The following BEND6 variants were observed in gnomAD, a reference collection of about 807,000 sequenced individuals.
The protein encoded by BEND6 is BEN domain-containing protein 6.
Under a neutral mutation model 31.8 loss-of-function variants are expected in BEND6, and 24 were observed. That is an observed-to-expected ratio of 0.75 (90% CI 0.55 to 1.06). The LOEUF (loss-of-function observed/expected upper bound fraction) is 1.06, where lower values mean the gene tolerates loss of function less well. BEND6 is among the 50% of genes least tolerant of loss of function. BEND6 has a pLI of 0.00. For missense variants in BEND6, 294 were observed against 327.4 expected, an observed-to-expected ratio of 0.90 and a Z score of 0.79; for synonymous variants, 109 against 114.6, an observed-to-expected ratio of 0.95 and a Z score of 0.31.
intron 1 of BEND6, among the ~76,000 whole-genome samples, chr6:56,965,928 A>AT (rs1490119741): frequency 1.3e-5 from 2 of 152,148 alleles, no homozygotes; most frequent in Non-Finnish European, 2.9e-5. Flanking sequence ...AGCAAAAAGC[A>AT]TAATAATCTC....
At chr6:57,012,501 G>A (rs758930462) in intron 3 of BEND6, among the ~76,000 whole-genome samples, 78 of 152,252 alleles carry the variant, frequency 5.1e-4, no homozygotes, top group Middle Eastern at 3.4e-3. Flanking sequence ...TTAAATGGGC[G>A]CACCCATTTG....
chr6:57,010,049 A>C (rs968143066), intron 3 of BEND6: 2 of 152,236 alleles, frequency 1.3e-5, no homozygotes, highest in Non-Finnish European at 2.9e-5. Context: ...GAATCTATGC[A>C]GTGACCATCT....
intron 6 of BEND6, among the ~76,000 whole-genome samples, 171 bp downstream of exon 6, chr6:57,018,728 T>C (rs978720094): frequency 5.9e-5 from 9 of 152,190 alleles, no homozygotes; most frequent in South Asian, 2.1e-4. Flanking sequence ...GGGGTTTGAA[T>C]TGGAAAATGC....
chr6:57,006,810 G>A (rs1827175661), intron 3 of BEND6, among the ~76,000 whole-genome samples: 1 of 152,162 alleles, frequency 6.6e-6, no homozygotes, highest in East Asian at 1.9e-4. Context: ...GAACAATGCT[G>A]GATGTATCAC....
At chr6:56,995,750 C>A (rs1434481453) in intron 3 of BEND6, among the ~76,000 whole-genome samples, 1 of 152,132 alleles carries the variant, frequency 6.6e-6, no homozygotes, top group South Asian at 2.1e-4. Flanking sequence ...CATTTCAACT[C>A]GATTACATCT....
In BEND6 at chr6:57,023,864, C is replaced by T. The variant is rs555364283; in HGVS notation, c.*10-2218C>T. ...TTTGTAGCTTGTATATTTTCTAACT[C>T]CTCTCTTCCTTTCTTCCTTTTGTAC... On this transcript the variant is annotated intron_variant, in intron 6 of 6. Coordinates refer to ENST00000370746, the MANE Select transcript of BEND6 (RefSeq NM_152731.3). Among the ~76,000 whole-genome samples, 4 of 152,250 alleles carry T rather than the reference C, an allele frequency of 2.6e-5. No homozygotes were observed. The South Asian group carries it at 8.3e-4, about 32-fold the overall frequency.
At chr6:56,983,035 C>G (rs1826126390) in intron 2 of BEND6, among the ~76,000 whole-genome samples, 1 of 152,106 alleles carries the variant, frequency 6.6e-6, no homozygotes, top group African/African-American at 2.4e-5. Context: ...TCAGTTGTTT[C>G]TAATCCTTTT....
At chr6:56,980,597 A>C (rs1167011050) in intron 1 of BEND6, among the ~76,000 whole-genome samples, 1 of 152,242 alleles carries the variant, frequency 6.6e-6, no homozygotes, top group Non-Finnish European at 1.5e-5. Context: ...CTCAAGCACT[A>C]TTCATGTATT....
chr6:56,971,266 AT>A (rs1355607977), intron 1 of BEND6, among the ~76,000 whole-genome samples: 1 of 152,186 alleles, frequency 6.6e-6, no homozygotes, highest in Non-Finnish European at 1.5e-5. Flanking sequence ...ACTTAGCATA[AT>A]GTTCTCAAGG....
chr6:56,996,956 C>T (rs773384239), intron 3 of BEND6, among the ~76,000 whole-genome samples: 78 of 152,310 alleles, frequency 5.1e-4, no homozygotes, highest in Non-Finnish European at 9.1e-4. Context: ...TTAATCAGTT[C>T]CTGTCCTCCT....
intron 1 of BEND6, among the ~76,000 whole-genome samples, chr6:56,964,739 C>T (rs1268297282): frequency 6.6e-6 from 1 of 152,184 alleles, no homozygotes; most frequent in Non-Finnish European, 1.5e-5. Flanking sequence ...TCAAGCAATC[C>T]TCCCACCTCT....
intron 3 of BEND6, among the ~76,000 whole-genome samples, chr6:57,004,147 A>G (rs916331045): frequency 6.6e-6 from 1 of 152,190 alleles, no homozygotes; most frequent in Non-Finnish European, 1.5e-5. Context: ...CATCACTCCT[A>G]TTCAACCTAG....
rs767833165 is a variant in BEND6, at chr6:56,981,846, T to C, written c.36T>C (p.Asn12=). The C allele has an allele frequency of 1.9e-6, 3 of 1,612,530 alleles. No individual in the cohort carries two copies. The highest frequency in any genetic ancestry group is 2.5e-6 in the Non-Finnish European group (3 of 1,179,338). The change falls in exon 2 of 7, where the codon AAT becomes AAC. Residue 12 remains asparagine (N), a synonymous_variant. Transcript: ENST00000370746. ...TCGTGCAGACAGATGAAATTACCAA[T>C]ACACAAGCTTTTAGAAAAGGAAAGA... The part of the protein sequence containing the change: ...QKIVQTDEIT[N]TQAFRKGKRK...
chr6:57,017,238 G>A lies in BEND6; in HGVS notation c.551G>A (p.Cys184Tyr), dbSNP rs1177650334. The change falls in exon 5 of 7, where the codon TGT becomes TAT. Residue 184 changes from cysteine to tyrosine, a missense_variant. Cys to Tyr is a radical substitution (Grantham distance 194). Coordinates refer to ENST00000370746, the MANE Select transcript of BEND6 (RefSeq NM_152731.3). ...FQIEKWQIAR[C>Y]NKSKPQKFIN... is the part of the protein sequence containing the mutation. ...ATTGAAAAATGGCAGATTGCCCGTT[G>A]TAACAAGAGCAAGCCTCAGAAGTTT... The A allele has an allele frequency of 6.4e-7, 1 of 1,560,834 alleles. No homozygotes were observed. The highest frequency in any genetic ancestry group is 8.7e-7 in the Non-Finnish European group (1 of 1,154,558).
chr6:57,015,309 G>C lies in BEND6; in HGVS notation c.475G>C (p.Val159Leu), dbSNP rs1827507282. Residue 159 changes from valine to leucine, a missense_variant, in exon 4 of 7, where the codon GTT becomes CTT. Physicochemically the swap from Val to Leu is conservative, Grantham distance 32. Coordinates refer to ENST00000370746, the MANE Select transcript of BEND6 (RefSeq NM_152731.3). Reference sequence around the variant, plus strand: ...TTCTAATTCTAACTCCAGTTCACCAGTTTCCTTAAAGCCTGAGGAAGAGCA... The same window carrying C: ...TTCTAATTCTAACTCCAGTTCACCACTTTCCTTAAAGCCTGAGGAAGAGCA... Reference protein sequence around the residue: ...SNSNSNSSSPVSLKPEEEHQT... With the variant: ...SNSNSNSSSPLSLKPEEEHQT... 1.9e-6 allele frequency: 3 copies of C among 1,613,988 alleles called. No homozygotes were observed. The highest frequency in any genetic ancestry group is 2.5e-6 in the Non-Finnish European group (3 of 1,180,022).
intron 3 of BEND6, among the ~76,000 whole-genome samples, chr6:57,003,098 A>C (rs78413857): frequency 0.015 from 2,348 of 152,304 alleles, 23 homozygotes; most frequent in Non-Finnish European, 0.023. Flanking sequence ...CAAACTAGAA[A>C]ATCTAGAGGA....
intron 1 of BEND6, among the ~76,000 whole-genome samples, chr6:56,956,071 C>T (rs958690588): frequency 7.9e-5 from 12 of 152,238 alleles, no homozygotes; most frequent in Non-Finnish European, 1.8e-4. Flanking sequence ...GCGGCCTTGG[C>T]GGGCGGTGCT....
intron 1 of BEND6, among the ~76,000 whole-genome samples, chr6:56,972,086 CTTTTTTTT>C (rs35524907): frequency 6.4e-5 from 4 of 62,530 alleles, no homozygotes; most frequent in Non-Finnish European, 8.5e-5. Context: ...ACTTTACTTT[CTTTTTTTT>C]TTTTTTTTTT....
chr6:56,955,942 A>G (rs925584618), intron 1 of BEND6, among the ~76,000 whole-genome samples: 1 of 152,214 alleles, frequency 6.6e-6, no homozygotes, highest in Non-Finnish European at 1.5e-5. Flanking sequence ...AGGGGATTTA[A>G]CACTGATGCA....
Sources: allele counts gnomAD v4.1 joint callset (sites outside exome capture counted in the v4.1 genomes callset), GRCh38; gene constraint gnomAD v4.1.1; transcripts MANE v1.5; gene names NCBI Gene and HGNC (gene_info 2026-07-23, HGNC 2026-07-21).